The following ZSCAN25 variants were observed in gnomAD, a reference collection of about 807,000 sequenced individuals.
The protein encoded by ZSCAN25 is zinc finger and SCAN domain containing 25.
Under a neutral mutation model 38.7 loss-of-function variants are expected in ZSCAN25, and 27 were observed. The observed-to-expected ratio is 0.70, with a 90% confidence interval of 0.51 to 0.96. ZSCAN25 has a LOEUF of 0.96. ZSCAN25 is among the 40% of genes least tolerant of loss of function. The probability of loss-of-function intolerance (pLI) is 0.00; values close to 1 mark genes in which losing one functional copy is unlikely to be tolerated. For missense variants in ZSCAN25, 637 were observed against 705.9 expected (o/e 0.90, Z 1.11); for synonymous variants, 273 against 277.7 (o/e 0.98, Z 0.17).
chr7:99,648,467 A>T, the ZSCAN25 span: 11 of 1,114,284 alleles, frequency 9.9e-6, no homozygotes, highest in South Asian at 1.3e-5. Context: ...ATGGAAGCAA[A>T]GTAGAAAAAA....
chr7:99,725,228 G>C, the ZSCAN25 span, among the ~76,000 whole-genome samples: 1 of 152,106 alleles, frequency 6.6e-6, no homozygotes, highest in South Asian at 2.1e-4. Context: ...CACAGCCCTG[G>C]ACCCAGAGGG....
chr7:99,713,539 G>C, the ZSCAN25 span: 1 of 1,613,264 alleles, frequency 6.2e-7, no homozygotes, highest in South Asian at 1.1e-5. Context: ...CTCGGTGCTA[G>C]AAGCAAAAAG....
At chr7:99,642,826 C>T in the ZSCAN25 span, among the ~76,000 whole-genome samples, 1 of 152,158 alleles carries the variant, frequency 6.6e-6, no homozygotes, top group Non-Finnish European at 1.5e-5. Flanking sequence ...CCCCCACTAC[C>T]TAGAATGGTG....
the ZSCAN25 span, among the ~76,000 whole-genome samples, chr7:99,645,227 T>C: frequency 6.6e-6 from 1 of 152,152 alleles, no homozygotes; most frequent in African/African-American, 2.4e-5. Flanking sequence ...CTGACCTCGT[T>C]ATCTGCCCAC....
Position 99,621,240 on chromosome 7 carries a change from G to A in ZSCAN25, c.388-133G>A, listed in dbSNP as rs76113930. The A allele has an allele frequency of 1.8e-3, 1,357 of 749,994 alleles. 8 individuals carry two copies. The African/African-American group carries it at 0.022, about 12-fold the overall frequency. The allele number at this position is 749,994 out of a possible 1,614,324, so 46.5% of individuals were successfully genotyped here. On this transcript the variant is annotated intron_variant, in intron 4 of 7. Transcript: ENST00000394152. Reference sequence around the variant, plus strand: ...CACTAATGTCCTGGGGAAGAGCTCAGCTGATTTTTCCTTCCTCTCCCCTGA... The same window carrying A: ...CACTAATGTCCTGGGGAAGAGCTCAACTGATTTTTCCTTCCTCTCCCCTGA...
chr7:99,672,585 G>A, the ZSCAN25 span: 6 of 1,612,808 alleles, frequency 3.7e-6, no homozygotes, highest in Admixed American at 5.0e-5. Flanking sequence ...CTTACCCTTC[G>A]ATTTGTGAAG....
At chr7:99,643,859 C>A in the ZSCAN25 span, among the ~76,000 whole-genome samples, 1 of 151,204 alleles carries the variant, frequency 6.6e-6, no homozygotes, top group Non-Finnish European at 1.5e-5. Flanking sequence ...ATGGGAATTC[C>A]AAGAGATGCA....
chr7:99,661,908 T>A, the ZSCAN25 span, among the ~76,000 whole-genome samples: 1 of 152,258 alleles, frequency 6.6e-6, no homozygotes, highest in Non-Finnish European at 1.5e-5. Flanking sequence ...AAATAAATAC[T>A]CTTAAAAATT....
chr7:99,715,652 A>G, the ZSCAN25 span: 44 of 1,572,138 alleles, frequency 2.8e-5, no homozygotes, highest in Non-Finnish European at 3.8e-5. Flanking sequence ...ACTACAAACC[A>G]TTAAACTGTA....
At chr7:99,735,141 G>C in the ZSCAN25 span, 1 of 1,611,454 alleles carries the variant, frequency 6.2e-7, no homozygotes, top group Non-Finnish European at 8.5e-7. Context: ...TTTTTCAGCA[G>C]CGTGCTGCTG....
At chr7:99,642,024 C>G in the ZSCAN25 span, among the ~76,000 whole-genome samples, 2 of 152,316 alleles carry the variant, frequency 1.3e-5, no homozygotes, top group East Asian at 3.9e-4. Flanking sequence ...TCTTCCTGAT[C>G]ATGCCAGGCA....
At chr7:99,715,611 A>G in the ZSCAN25 span, 3 of 1,392,114 alleles carry the variant, frequency 2.2e-6, no homozygotes, top group South Asian at 2.5e-5. Flanking sequence ...TAAAGTTTAC[A>G]ATGGTGATGG....
the ZSCAN25 span, chr7:99,713,469 C>T: frequency 6.2e-7 from 1 of 1,613,374 alleles, no homozygotes; most frequent in South Asian, 1.1e-5. Flanking sequence ...CTTTTGTTAC[C>T]TTTGTGGGTC....
chr7:99,737,220 C>T, the ZSCAN25 span, among the ~76,000 whole-genome samples: 2 of 152,090 alleles, frequency 1.3e-5, no homozygotes, highest in East Asian at 3.9e-4. Context: ...CCAACTGATA[C>T]TGATCACAAT....
the ZSCAN25 span, among the ~76,000 whole-genome samples, chr7:99,645,500 T>A: frequency 6.6e-6 from 1 of 152,224 alleles, no homozygotes; most frequent in Non-Finnish European, 1.5e-5. Context: ...CAAATGGTAT[T>A]TCTGTCTTTA....
intron 7 of ZSCAN25, among the ~76,000 whole-genome samples, chr7:99,626,540 A>AGG (rs1276872607): frequency 1.3e-5 from 2 of 152,138 alleles, no homozygotes; most frequent in Non-Finnish European, 2.9e-5. Flanking sequence ...GATTGGCCAG[A>AGG]GGGGAGGAAA....
At chr7:99,651,582 C>G in the ZSCAN25 span, among the ~76,000 whole-genome samples, 1 of 152,182 alleles carries the variant, frequency 6.6e-6, no homozygotes, top group Non-Finnish European at 1.5e-5. Flanking sequence ...CATGCTAGCA[C>G]TAGGGACACC....
At chr7:99,628,282 G>GT (rs1321571498) in intron 7 of ZSCAN25, among the ~76,000 whole-genome samples, 4 of 151,958 alleles carry the variant, frequency 2.6e-5, no homozygotes, top group East Asian at 3.9e-4. Context: ...ATACTGTCAG[G>GT]TTTTTTTTGT....
Position 99,624,168 on chromosome 7 carries a change from A to T in ZSCAN25, c.793A>T (p.Arg265Trp). 6.2e-7 allele frequency: 1 copy of T among 1,613,690 alleles called. No individual in the cohort carries two copies. The highest frequency in any genetic ancestry group is 8.5e-7 in the Non-Finnish European group (1 of 1,179,900). Residue 265 changes from arginine (R) to tryptophan (W), a missense_variant, in exon 7 of 8, where the codon AGG (arginine) becomes TGG (tryptophan). Coordinates refer to ENST00000394152, the MANE Select transcript of ZSCAN25 (RefSeq NM_145115.3). ...FGEYVEPQDC[R>W]VSPGGGSKEK... ...GGAGTATGTGGAACCGCAGGACTGC[A>T]GGGTCTCTCCAGGTAAGACTGTCTC...
Sources: allele counts gnomAD v4.1 joint callset (sites outside exome capture counted in the v4.1 genomes callset), GRCh38; gene constraint gnomAD v4.1.1; transcripts MANE v1.5; gene names NCBI Gene and HGNC (gene_info 2026-07-23, HGNC 2026-07-21).